The following CPPED1 variants were observed in gnomAD, a reference collection of about 807,000 sequenced individuals.
CPPED1 encodes serine/threonine-protein phosphatase CPPED1.
A neutral mutation model predicts 28.0 loss-of-function variants in CPPED1; 28 were observed. The ratio of observed to expected loss-of-function variants is 1.00; its 90% CI spans 0.74 to 1.37. The LOEUF (loss-of-function observed/expected upper bound fraction) is 1.37, where lower values mean the gene tolerates loss of function less well. Among genes scored for constraint, CPPED1 ranks in the 40% most tolerant of loss-of-function variants. The pLI is 0.00. For synonymous variants in CPPED1, 198 were observed against 180.2 expected (o/e 1.10, Z -0.79); for missense variants, 504 against 416.5 (o/e 1.21, Z -1.83).
intron 1 of CPPED1, among the ~76,000 whole-genome samples, chr16:12,794,378 T>A (rs1596488225): frequency 6.6e-6 from 1 of 151,934 alleles, no homozygotes; most frequent in African/African-American, 2.4e-5. Flanking sequence ...TAATTAACAA[T>A]TCACATGGTG....
intron 2 of CPPED1, among the ~76,000 whole-genome samples, chr16:12,719,761 C>T (rs985573975): frequency 6.6e-6 from 1 of 152,068 alleles, no homozygotes; most frequent in Non-Finnish European, 1.5e-5. Flanking sequence ...ACGGCAAAAG[C>T]CTGTCTCTAC....
At chr16:12,781,515 A>G (rs2080531819) in intron 1 of CPPED1, 112 bp from the exon 2 acceptor site, 2 of 882,822 alleles carry the variant, frequency 2.3e-6, no homozygotes, top group African/African-American at 1.7e-5. Flanking sequence ...TAAGTAGGTC[A>G]TTTTAATAAG....
rs189852234 is a variant in CPPED1, at chr16:12,792,987, A to C, written c.70+10720T>G. On this transcript the variant is annotated intron_variant, in intron 1 of 3. Coordinates refer to ENST00000381774, the MANE Select transcript of CPPED1 (RefSeq NM_018340.3). ...CCATTCCACCAACTCTTCCTGCTGA[A>C]ATCCCTTCTACCCTTCCCTGCCAGC... Among the ~76,000 whole-genome samples, 327 of 152,116 alleles carry C rather than the reference A, an allele frequency of 2.1e-3. 1 individual carries two copies. Among genetic ancestry groups the C allele is most frequent in the African/African-American group, 7.3e-3 (304 of 41,506 alleles).
At chr16:12,690,929 G>A (rs1400957220) in intron 3 of CPPED1, among the ~76,000 whole-genome samples, 1 of 152,174 alleles carries the variant, frequency 6.6e-6, no homozygotes, top group South Asian at 2.1e-4. Context: ...CCCTGTAGAG[G>A]AGCAGGTGAA....
intron 3 of CPPED1, among the ~76,000 whole-genome samples, chr16:12,689,700 C>T (rs192986999): frequency 2.6e-5 from 4 of 152,216 alleles, no homozygotes; most frequent in Non-Finnish European, 1.5e-5. Context: ...GGGAAGTCAT[C>T]GGCAAATAAG....
intron 2 of CPPED1, among the ~76,000 whole-genome samples, chr16:12,733,561 C>A (rs2080210698): frequency 6.6e-6 from 1 of 152,140 alleles, no homozygotes; most frequent in Non-Finnish European, 1.5e-5. Flanking sequence ...AGGTGTGAGG[C>A]ACTGCATGCA....
chr16:12,743,881 T>A (rs537863933), intron 2 of CPPED1, among the ~76,000 whole-genome samples: 1 of 152,200 alleles, frequency 6.6e-6, no homozygotes, highest in Admixed American at 6.5e-5. Flanking sequence ...GGCTCACACC[T>A]GTGGTCTCAG....
chr16:12,680,380 A>G (rs1432626612), intron 3 of CPPED1, among the ~76,000 whole-genome samples: 4 of 152,006 alleles, frequency 2.6e-5, no homozygotes, highest in African/African-American at 9.7e-5. Flanking sequence ...GGTGGAACAA[A>G]AGCTTTCCCT....
intron 3 of CPPED1, among the ~76,000 whole-genome samples, chr16:12,701,855 G>C (rs2080022424): frequency 6.6e-6 from 1 of 152,222 alleles, no homozygotes; most frequent in Non-Finnish European, 1.5e-5. Flanking sequence ...CCTTCAGCTA[G>C]CGAGCTCCTC....
At chr16:12,763,685 G>A (rs117900861) in intron 2 of CPPED1, among the ~76,000 whole-genome samples, 2 of 152,280 alleles carry the variant, frequency 1.3e-5, no homozygotes, top group East Asian at 3.9e-4. Flanking sequence ...TATTTGGCCA[G>A]GAAACAAGAG....
At chr16:12,706,930 G>A (rs941390963) in intron 2 of CPPED1, among the ~76,000 whole-genome samples, 2 of 152,148 alleles carry the variant, frequency 1.3e-5, no homozygotes, top group African/African-American at 4.8e-5. Flanking sequence ...GGAGAAGCAG[G>A]TTCTGCCTGC....
chr16:12,669,487 A>T (rs1286605120), intron 3 of CPPED1, among the ~76,000 whole-genome samples: 1 of 152,244 alleles, frequency 6.6e-6, no homozygotes, highest in African/African-American at 2.4e-5. Flanking sequence ...TATGTGAATT[A>T]TAGCTCAATA....
chr16:12,781,059 T>A (rs1234915802), intron 2 of CPPED1, 126 bp downstream of exon 2: 11 of 724,156 alleles, frequency 1.5e-5, no homozygotes, highest in Non-Finnish European at 2.5e-5. Context: ...GCAACAATCA[T>A]GAAGCGAAAG....
At chr16:12,744,136 C>T (rs752498289) in intron 2 of CPPED1, among the ~76,000 whole-genome samples, 3 of 151,836 alleles carry the variant, frequency 2.0e-5, no homozygotes, top group South Asian at 2.1e-4. Flanking sequence ...ATTAGCCGGG[C>T]GTGGTGGCAG....
At chr16:12,719,647 C>T (rs901851252) in intron 2 of CPPED1, among the ~76,000 whole-genome samples, 5 of 151,988 alleles carry the variant, frequency 3.3e-5, no homozygotes, top group Admixed American at 3.3e-4. Flanking sequence ...AAATTAAACA[C>T]CTTTAGGCCA....
chr16:12,788,713 G>A (rs552544463), intron 1 of CPPED1, among the ~76,000 whole-genome samples: 3 of 152,312 alleles, frequency 2.0e-5, no homozygotes, highest in African/African-American at 7.2e-5. Flanking sequence ...TGAGAGCCAT[G>A]ATGAAGACAG....
intron 3 of CPPED1, among the ~76,000 whole-genome samples, chr16:12,699,433 C>T (rs1186071784): frequency 1.3e-5 from 2 of 152,204 alleles, no homozygotes; most frequent in African/African-American, 2.4e-5. Flanking sequence ...TCACACAGCA[C>T]ACCCCTCCAC....
intron 2 of CPPED1, among the ~76,000 whole-genome samples, chr16:12,714,975 T>C (rs939837041): frequency 6.6e-6 from 1 of 151,894 alleles, no homozygotes; most frequent in Admixed American, 6.6e-5. Flanking sequence ...TTTTTTAATA[T>C]GGTGTGAGGT....
At chr16:12,747,837 T>A (rs573704915) in intron 2 of CPPED1, among the ~76,000 whole-genome samples, 1 of 152,220 alleles carries the variant, frequency 6.6e-6, no homozygotes, top group Admixed American at 6.5e-5. Flanking sequence ...GTTCATTGCA[T>A]GTTAAATATA....
Sources: allele counts gnomAD v4.1 joint callset (sites outside exome capture counted in the v4.1 genomes callset), GRCh38; gene constraint gnomAD v4.1.1; transcripts MANE v1.5; gene names NCBI Gene and HGNC (gene_info 2026-07-23, HGNC 2026-07-21).